Variants in CNTN4 observed in about 807,000 individuals in gnomAD.
CNTN4 encodes contactin-4.
CNTN4 carries 77 observed loss-of-function variants against 122.5 expected under a neutral mutation model. The ratio of observed to expected loss-of-function variants is 0.63; its 90% CI spans 0.52 to 0.76. CNTN4 has a LOEUF of 0.76. Ranked by LOEUF, CNTN4 falls within the 30% of genes least tolerant of loss-of-function variation. The probability of loss-of-function intolerance (pLI) is 0.00; values close to 1 mark genes in which losing one functional copy is unlikely to be tolerated. For synonymous variants in CNTN4, 512 were observed against 447.0 expected (o/e 1.15, Z -1.83); for missense variants, 1,256 against 1,259.1 (o/e 1.00, Z 0.04).
At chr3:2,278,016 G>A (rs533161351) in intron 2 of CNTN4, among the ~76,000 whole-genome samples, 4 of 152,206 alleles carry the variant, frequency 2.6e-5, no homozygotes, top group African/African-American at 9.6e-5. Flanking sequence ...GTTGCAACTT[G>A]TAAAGTGTGT....
intron 2 of CNTN4, among the ~76,000 whole-genome samples, chr3:2,159,287 C>T (rs1168662904): frequency 1.3e-5 from 2 of 152,080 alleles, no homozygotes; most frequent in Non-Finnish European, 2.9e-5. Context: ...CCAACATATC[C>T]CTGAAGCTTA....
intron 2 of CNTN4, among the ~76,000 whole-genome samples, chr3:2,191,581 CT>C (rs560994454): frequency 2.8e-4 from 42 of 151,996 alleles, no homozygotes; most frequent in African/African-American, 9.2e-4. Flanking sequence ...AAATATTTAA[CT>C]TTTTTTTATT....
intron 2 of CNTN4, among the ~76,000 whole-genome samples, chr3:2,226,857 ATT>A (rs1224618082): frequency 6.6e-6 from 1 of 152,172 alleles, no homozygotes; most frequent in African/African-American, 2.4e-5. Flanking sequence ...TGTGCCAGAC[ATT>A]GTTACAAGAA....
At chr3:2,711,735 A>C (rs2087163839) in intron 4 of CNTN4, among the ~76,000 whole-genome samples, 1 of 152,202 alleles carries the variant, frequency 6.6e-6, no homozygotes, top group Admixed American at 6.5e-5. Flanking sequence ...GAGCATCAGA[A>C]CTGGGACCAG....
At chr3:2,926,275 G>A (rs781699181) in intron 13 of CNTN4, among the ~76,000 whole-genome samples, 4 of 152,050 alleles carry the variant, frequency 2.6e-5, no homozygotes, top group South Asian at 2.1e-4. Context: ...ACAGCAGAGT[G>A]TTATGCTTTT....
intron 3 of CNTN4, among the ~76,000 whole-genome samples, chr3:2,436,909 A>G (rs977644655): frequency 1.3e-5 from 2 of 151,534 alleles, no homozygotes; most frequent in Admixed American, 6.6e-5. Flanking sequence ...AATAAAATAT[A>G]TGTATTAAGT....
intron 2 of CNTN4, among the ~76,000 whole-genome samples, chr3:2,216,104 T>G (rs1026362398): frequency 6.6e-6 from 1 of 152,046 alleles, no homozygotes. Context: ...ACTGCAGCAC[T>G]CTTCACAATA....
Position 2,819,591 on chromosome 3 carries a change from A to C in CNTN4, c.454+10A>C. The C allele has an allele frequency of 6.3e-7, 1 of 1,584,794 alleles. No individual in the cohort carries two copies. On this transcript the variant is annotated intron_variant, in intron 7 of 24. Transcript: ENST00000418658. ...CCACCCCATTCTGGAGGTACATATA[A>C]ATGAACTGACATATGCATGCTTCAC...
intron 2 of CNTN4, among the ~76,000 whole-genome samples, chr3:2,171,291 C>T (rs1293009713): frequency 1.3e-5 from 2 of 152,054 alleles, no homozygotes; most frequent in African/African-American, 2.4e-5. Flanking sequence ...CATGTATGGA[C>T]CTGGAAAAAT....
chr3:2,397,855 C>T (rs943652387), intron 3 of CNTN4, among the ~76,000 whole-genome samples: 9 of 152,212 alleles, frequency 5.9e-5, no homozygotes, highest in East Asian at 1.9e-4. Context: ...ACTCTGAGCA[C>T]ACTACAGCAA....
chr3:2,953,233 A>C (rs58302165), intron 13 of CNTN4, among the ~76,000 whole-genome samples: 3,486 of 152,282 alleles, frequency 0.023, 131 homozygotes, highest in African/African-American at 0.079. Context: ...GCCATCATCT[A>C]CCAAGCTCCC....
At chr3:2,186,516 A>G (rs1390021058) in intron 2 of CNTN4, among the ~76,000 whole-genome samples, 1 of 152,218 alleles carries the variant, frequency 6.6e-6, no homozygotes, top group South Asian at 2.1e-4. Flanking sequence ...ACTGTCTTCC[A>G]CAATGGTTGA....
chr3:2,839,702 G>T (rs1253861380), intron 7 of CNTN4, among the ~76,000 whole-genome samples: 2 of 152,138 alleles, frequency 1.3e-5, no homozygotes, highest in Admixed American at 1.3e-4. Context: ...ATAAGGGGCA[G>T]GGCATTGTTG....
At position 2,496,474 on chromosome 3, in the gene CNTN4, A is replaced by G. The variant is rs558266261; in HGVS notation, c.-88-74942A>G. On this transcript the variant is annotated intron_variant, in intron 3 of 24. Transcript: ENST00000418658. Reference sequence around the variant, plus strand: ...ATTTATTATCGATGAAGTGAAAAATATGACATAGATTTGTTGACCAGTAGA... The same window carrying G: ...ATTTATTATCGATGAAGTGAAAAATGTGACATAGATTTGTTGACCAGTAGA... Among the ~76,000 whole-genome samples, 3 of 152,276 alleles carry G rather than the reference A, an allele frequency of 2.0e-5. No homozygotes were observed. The South Asian group carries it at 6.2e-4, about 32-fold the overall frequency.
chr3:2,969,519 T>TATTATTATG (rs200353375), intron 13 of CNTN4, among the ~76,000 whole-genome samples: 16 of 151,440 alleles, frequency 1.1e-4, no homozygotes, highest in African/African-American at 3.9e-4. Flanking sequence ...AAATTGGGAT[T>TATTATTATG]ATTATTATTA....
intron 7 of CNTN4, among the ~76,000 whole-genome samples, chr3:2,840,877 G>A (rs557730556): frequency 1.3e-5 from 2 of 152,086 alleles, no homozygotes; most frequent in South Asian, 4.2e-4. Flanking sequence ...CCTGTGTTAA[G>A]TGAAAGGCTT....
At chr3:2,573,725 G>A (rs1559254056) in intron 4 of CNTN4, among the ~76,000 whole-genome samples, 1 of 152,038 alleles carries the variant, frequency 6.6e-6, no homozygotes, top group Non-Finnish European at 1.5e-5. Flanking sequence ...TATTCACTTA[G>A]CTTTTTATAG....
At chr3:2,932,101 G>C (rs1310452556) in intron 13 of CNTN4, among the ~76,000 whole-genome samples, 10 of 152,140 alleles carry the variant, frequency 6.6e-5, no homozygotes, top group Non-Finnish European at 1.0e-4. Context: ...ATTTAGGCCG[G>C]GCGCAGTGGC....
intron 2 of CNTN4, among the ~76,000 whole-genome samples, chr3:2,171,879 G>C (rs927788017): frequency 6.6e-6 from 1 of 152,092 alleles, no homozygotes; most frequent in Non-Finnish European, 1.5e-5. Context: ...TTGGTTCTGT[G>C]GTGCTGTCAT....
Sources: gnomAD v4.1 joint callset for allele counts (sites outside exome capture counted in the v4.1 genomes callset) on GRCh38, gnomAD v4.1.1 for gene constraint, MANE v1.5 for transcripts, NCBI Gene and HGNC (gene_info 2026-07-23, HGNC 2026-07-21) for gene names.